Variants in HS6ST3 observed in about 807,000 individuals in gnomAD.
HS6ST3 encodes heparan-sulfate 6-O-sulfotransferase 3.
HS6ST3 carries 12 observed loss-of-function variants against 36.7 expected under a neutral mutation model. The ratio of observed to expected loss-of-function variants is 0.33; its 90% confidence interval spans 0.21 to 0.53. The LOEUF (loss-of-function observed/expected upper bound fraction) is 0.53, where lower values mean the gene tolerates loss of function less well. Among genes scored for constraint, HS6ST3 ranks in the 20% least tolerant of loss-of-function variants. The pLI, the probability that HS6ST3 is intolerant of heterozygous loss-of-function variation, is 0.95. For synonymous variants in HS6ST3, 240 were observed against 257.5 expected (o/e 0.93, Z 0.65); for missense variants, 584 against 640.9 (o/e 0.91, Z 0.96).
At chr13:96,327,661 G>C (rs907150964) in intron 1 of HS6ST3, among the ~76,000 whole-genome samples, 16 of 151,288 alleles carry the variant, frequency 1.1e-4, no homozygotes, top group African/African-American at 3.9e-4. Flanking sequence ...TTGGCGATGC[G>C]GGCTCTTTTT....
intron 1 of HS6ST3, among the ~76,000 whole-genome samples, chr13:96,225,661 A>G (rs553703344): frequency 5.4e-4 from 83 of 152,318 alleles, no homozygotes; most frequent in African/African-American, 1.7e-3. Context: ...TTCTATTTTA[A>G]TAAATGATAC....
Position 96,474,660 on chromosome 13 carries a change from T to A in HS6ST3, c.708-357830T>A, listed in dbSNP as rs1264081664. Among the ~76,000 whole-genome samples, 24 of 152,162 alleles carry A rather than the reference T, an allele frequency of 1.6e-4. 1 individual carries two copies. The highest frequency in any genetic ancestry group is 7.3e-5 in the Non-Finnish European group (5 of 68,042). On this transcript the variant is annotated intron_variant, in intron 1 of 1. Coordinates refer to ENST00000376705, the MANE Select transcript of HS6ST3 (RefSeq NM_153456.4). ...TCTTGTATTCAGCCACCTCACTAGGTAGAACAATAATCGGCTCCAATGAAG... is the reference window on the plus strand; with the variant it reads ...TCTTGTATTCAGCCACCTCACTAGGAAGAACAATAATCGGCTCCAATGAAG...
intron 1 of HS6ST3, among the ~76,000 whole-genome samples, chr13:96,124,804 A>G (rs563983397): frequency 6.6e-6 from 1 of 152,340 alleles, no homozygotes; most frequent in African/African-American, 2.4e-5. Flanking sequence ...ACATGTAGAC[A>G]GCGCAGGTAA....
At chr13:96,424,288 T>G (rs2055575772) in intron 1 of HS6ST3, among the ~76,000 whole-genome samples, 1 of 152,214 alleles carries the variant, frequency 6.6e-6, no homozygotes. Context: ...TCATTATACC[T>G]GTAAATGATT....
chr13:96,280,325 CT>C (rs897696270), intron 1 of HS6ST3, among the ~76,000 whole-genome samples: 2 of 151,966 alleles, frequency 1.3e-5, no homozygotes, highest in Non-Finnish European at 2.9e-5. Context: ...ATGAAACCTT[CT>C]TTTTTTCTGT....
At chr13:96,277,862 T>C (rs965468824) in intron 1 of HS6ST3, among the ~76,000 whole-genome samples, 2 of 152,176 alleles carry the variant, frequency 1.3e-5, no homozygotes, top group African/African-American at 2.4e-5. Context: ...AACATAACAG[T>C]GACAGACAGT....
intron 1 of HS6ST3, among the ~76,000 whole-genome samples, chr13:96,194,022 A>G (rs879850736): frequency 1.4e-4 from 21 of 152,192 alleles, no homozygotes; most frequent in African/African-American, 4.6e-4. Context: ...GACGTTTACA[A>G]TGGGCTAAGC....
chr13:96,092,036 G>C (rs1451632047), intron 1 of HS6ST3, among the ~76,000 whole-genome samples: 2 of 152,208 alleles, frequency 1.3e-5, no homozygotes, highest in Non-Finnish European at 2.9e-5. Flanking sequence ...AGCTGGAGAC[G>C]AGTATAATCC....
At chr13:96,611,059 T>C (rs2138988584) in intron 1 of HS6ST3, among the ~76,000 whole-genome samples, 1 of 151,490 alleles carries the variant, frequency 6.6e-6, no homozygotes, top group African/African-American at 2.4e-5. Flanking sequence ...TTACCTTTCT[T>C]TTCATTTCTT....
At chr13:96,234,703 A>G (rs891180479) in intron 1 of HS6ST3, among the ~76,000 whole-genome samples, 1 of 152,122 alleles carries the variant, frequency 6.6e-6, no homozygotes, top group Non-Finnish European at 1.5e-5. Context: ...ACCTCCCACC[A>G]TATCCTTCCG....
At chr13:96,146,767 G>T (rs1489680415) in intron 1 of HS6ST3, among the ~76,000 whole-genome samples, 1 of 152,120 alleles carries the variant, frequency 6.6e-6, no homozygotes, top group African/African-American at 2.4e-5. Context: ...TGGAAAAATT[G>T]TTTATTGAGT....
At chr13:96,226,804 A>G (rs1420936511) in intron 1 of HS6ST3, among the ~76,000 whole-genome samples, 2 of 152,240 alleles carry the variant, frequency 1.3e-5, no homozygotes, top group Non-Finnish European at 2.9e-5. Flanking sequence ...GTAAAGTGAA[A>G]TATTAAACCA....
chr13:96,648,497 T>A (rs1467989654), intron 1 of HS6ST3, among the ~76,000 whole-genome samples: 3 of 131,326 alleles, frequency 2.3e-5, no homozygotes, highest in South Asian at 2.5e-4. Flanking sequence ...TTTTTTTTTT[T>A]ATTTTATTTT....
chr13:96,779,598 G>T (rs1390562459), intron 1 of HS6ST3, among the ~76,000 whole-genome samples: 1 of 152,050 alleles, frequency 6.6e-6, no homozygotes, highest in Non-Finnish European at 1.5e-5. Flanking sequence ...TGATGTGACA[G>T]TTGTTGGAAA....
At chr13:96,805,833 A>T (rs1173533381) in intron 1 of HS6ST3, among the ~76,000 whole-genome samples, 1 of 152,228 alleles carries the variant, frequency 6.6e-6, no homozygotes, top group Non-Finnish European at 1.5e-5. Context: ...TGAGTTAGAC[A>T]GCATTAGAAA....
chr13:96,296,837 C>T (rs1374966645), intron 1 of HS6ST3, among the ~76,000 whole-genome samples: 1 of 152,094 alleles, frequency 6.6e-6, no homozygotes, highest in Non-Finnish European at 1.5e-5. Flanking sequence ...TATATCGTCC[C>T]TTCTCTTTAT....
chr13:96,138,217 T>A (rs2054012102), intron 1 of HS6ST3, among the ~76,000 whole-genome samples: 1 of 152,174 alleles, frequency 6.6e-6, no homozygotes, highest in Non-Finnish European at 1.5e-5. Flanking sequence ...TAGCTTTACA[T>A]GTTCAAAGTT....
intron 1 of HS6ST3, among the ~76,000 whole-genome samples, chr13:96,687,324 G>A (rs559362050): frequency 9.9e-5 from 15 of 152,072 alleles, no homozygotes; most frequent in African/African-American, 2.2e-4. Flanking sequence ...ATGAGTTTTC[G>A]TGCTATAACA....
Position 96,323,880 on chromosome 13 carries a change from G to A in HS6ST3, c.707+232311G>A, listed in dbSNP as rs139761628. ...AAGGGCAGGAATTTTTGTCCATTTC[G>A]TTCAGTGCCAAGAACAGTGCCTGGC... On this transcript the variant is annotated intron_variant, in intron 1 of 1. Transcript: ENST00000376705. 3.3e-3 allele frequency among the ~76,000 whole-genome samples: 505 copies of A among 152,174 alleles called. 3 individuals carry two copies. Among genetic ancestry groups the A allele is most frequent in the African/African-American group, 0.012 (482 of 41,522 alleles).
Sources: allele counts gnomAD v4.1 joint callset (sites outside exome capture counted in the v4.1 genomes callset), GRCh38; gene constraint gnomAD v4.1.1; transcripts MANE v1.5; gene names NCBI Gene and HGNC (gene_info 2026-07-23, HGNC 2026-07-21).